EPSTI1: variants seen among roughly 807,000 people sequenced by gnomAD.
EPSTI1 encodes the protein epithelial stromal interaction 1, also known as epithelial-stromal interaction protein 1.
EPSTI1 carries 66 observed loss-of-function variants against 49.9 expected under a neutral mutation model. The ratio of observed to expected loss-of-function variants is 1.32; its 90% confidence interval spans 1.08 to 1.62. The LOEUF (loss-of-function observed/expected upper bound fraction) is 1.62. Among genes scored for constraint, EPSTI1 ranks in the 40% most tolerant of loss-of-function variants. The pLI, the probability that EPSTI1 is intolerant of heterozygous loss-of-function variation, is 0.00. For missense variants in EPSTI1, 394 were observed against 365.5 expected (o/e 1.08, Z -0.64); for synonymous variants, 137 against 130.7 (o/e 1.05, Z -0.33).
intron 9 of EPSTI1, among the ~76,000 whole-genome samples, chr13:42,899,084 A>T (rs1312011925): frequency 6.6e-6 from 1 of 151,550 alleles, no homozygotes; most frequent in Non-Finnish European, 1.5e-5. Flanking sequence ...TGTAATCCCA[A>T]CTACTCAGGA....
At chr13:42,954,401 CA>C (rs1256891026) in intron 5 of EPSTI1, among the ~76,000 whole-genome samples, 2 of 152,136 alleles carry the variant, frequency 1.3e-5, no homozygotes, top group African/African-American at 4.8e-5. Context: ...AATGGTTAAA[CA>C]GCTCATACAA....
At chr13:42,925,200 G>T (rs2038133022) in intron 7 of EPSTI1, among the ~76,000 whole-genome samples, 1 of 152,116 alleles carries the variant, frequency 6.6e-6, no homozygotes, top group Non-Finnish European at 1.5e-5. Context: ...AGCCTTGGGG[G>T]GCCTCTCTGC....
In EPSTI1 at chr13:42,958,436, AAAAC is replaced by A. The variant is rs542401871; in HGVS notation, c.490-4419_490-4416del. On this transcript the variant is annotated intron_variant, in intron 5 of 10. Coordinates refer to ENST00000313624, the MANE Select transcript of EPSTI1 (RefSeq NM_033255.5). ...GAGTAAGATTAAATCCTGAGAAAGA[AAAAC>A]AAAAACAAAACAAACAACAAAACAA... Among the ~76,000 whole-genome samples the A allele has an allele frequency of 2.0e-3, 311 of 152,296 alleles. 1 individual carries two copies. The highest frequency in any genetic ancestry group is 7.1e-3 in the African/African-American group (295 of 41,556).
rs910583095 is a variant in EPSTI1 at position 42,900,359 on chromosome 13, G to A, written c.766C>T (p.Gln256Ter). The A allele has an allele frequency of 2.5e-6, 4 of 1,613,460 alleles. No individual in the cohort carries two copies. In the African/African-American group the frequency reaches 4.0e-5, roughly 16 times the overall value. ...QKSELLELKR[Q>*]QQEQERAKIH... Reference sequence around the variant, plus strand: ...TTGGCTCTTTCTTGCTCTTGCTGCTGCCGTTTCAGTTCCAGTAATTCACTC... The same window carrying A: ...TTGGCTCTTTCTTGCTCTTGCTGCTACCGTTTCAGTTCCAGTAATTCACTC... Residue 256 changes from glutamine to a stop codon, truncating the protein, a stop_gained, in exon 9 of 11, where the codon CAG becomes TAG. Transcript: ENST00000313624. LOFTEE classifies it high-confidence loss of function.
At chr13:42,954,095 G>C (rs944505295) in intron 5 of EPSTI1, 74 bp from the exon 6 acceptor site, 3 of 1,325,240 alleles carry the variant, frequency 2.3e-6, no homozygotes, top group African/African-American at 1.5e-5. Flanking sequence ...AGTTACCCAA[G>C]GTCCAAAATC....
intron 10 of EPSTI1, among the ~76,000 whole-genome samples, chr13:42,889,455 A>T (rs939587194): frequency 6.6e-6 from 1 of 152,138 alleles, no homozygotes; most frequent in African/African-American, 2.4e-5. Context: ...GCTTGGTTTT[A>T]TCATAATTTC....
intron 6 of EPSTI1, among the ~76,000 whole-genome samples, chr13:42,932,948 G>A (rs973594993): frequency 6.6e-6 from 1 of 152,020 alleles, no homozygotes. Flanking sequence ...CCCAAACTGG[G>A]GGAAGTCTAC....
In EPSTI1 at chr13:42,895,016, T is replaced by C. The variant is rs2037149310; in HGVS notation, c.908A>G (p.Asn303Ser). ...AGAAAAGAAAAAACTCACCCAGCTG[T>C]TACCGCTATTCATATTCCAACAGCC... ...SGGCWNMNSG[N>S]SWGI is the part of the protein sequence containing the mutation. The change falls in exon 10 of 11, where the codon AAC becomes AGC. Residue 303 changes from asparagine (N) to serine (S), a missense_variant. Transcript: ENST00000313624. 3 of 1,609,986 alleles carry C rather than the reference T, an allele frequency of 1.9e-6. No homozygotes were observed. The highest frequency in any genetic ancestry group is 2.5e-6 in the Non-Finnish European group (3 of 1,178,296).
chr13:42,897,440 G>A (rs548871394), intron 9 of EPSTI1, among the ~76,000 whole-genome samples: 18 of 152,228 alleles, frequency 1.2e-4, no homozygotes, highest in Middle Eastern at 3.4e-3. Context: ...CCCTTCTGCC[G>A]TGTTTTGCCC....
At chr13:42,900,046 A>G (rs2037309259) in intron 9 of EPSTI1, among the ~76,000 whole-genome samples, 1 of 152,214 alleles carries the variant, frequency 6.6e-6, no homozygotes, top group Non-Finnish European at 1.5e-5. Context: ...TGAACACACA[A>G]GAACATGAGT....
intron 9 of EPSTI1, among the ~76,000 whole-genome samples, chr13:42,897,409 A>AATTT (rs2037223818): frequency 6.6e-6 from 1 of 152,164 alleles, no homozygotes; most frequent in African/African-American, 2.4e-5. Flanking sequence ...TCCAGATTAT[A>AATTT]ATTTCCACAT....
rs2036930604 is a variant in EPSTI1, at chr13:42,888,490, T to C, written c.*4A>G. 2 of 1,613,190 alleles carry C rather than the reference T, an allele frequency of 1.2e-6. No individual in the cohort carries two copies. Among genetic ancestry groups the C allele is most frequent in the Admixed American group, 1.7e-5 (1 of 59,930 alleles). On this transcript the variant is annotated 3_prime_UTR_variant, in exon 11 of 11. Transcript: ENST00000313624. Reference sequence around the variant, plus strand: ...ATGAAGGCCAGATAGGAGTCAATATTTTCTCATATACCCTGGAAGAAAAAG... The same window carrying C: ...ATGAAGGCCAGATAGGAGTCAATATCTTCTCATATACCCTGGAAGAAAAAG...
Position 42,893,734 on chromosome 13 carries a change from G to A in EPSTI1, c.915+1275C>T, listed in dbSNP as rs759409233. On this transcript the variant is annotated intron_variant, in intron 10 of 10. Transcript: ENST00000313624. ...TAGGTGCTTTCTAAGTTTTAAGAGC[G>A]GTTCCATAGAGAAGAAATGACAACC... 4.6e-5 allele frequency among the ~76,000 whole-genome samples: 7 copies of A among 152,052 alleles called. No homozygotes were observed. The East Asian group carries it at 7.7e-4, about 17-fold the overall frequency.
intron 7 of EPSTI1, among the ~76,000 whole-genome samples, chr13:42,926,129 G>C (rs2038169112): frequency 6.6e-6 from 1 of 152,066 alleles, no homozygotes; most frequent in Admixed American, 6.6e-5. Flanking sequence ...AAACTTCTCT[G>C]AGGCTGTTTT....
chr13:42,958,882 A>C (rs185331638), intron 5 of EPSTI1, among the ~76,000 whole-genome samples: 1 of 152,190 alleles, frequency 6.6e-6, no homozygotes, highest in Non-Finnish European at 1.5e-5. Context: ...AACAAAAGTC[A>C]CATATGTTTT....
At chr13:42,891,133 T>C (rs1374244748) in intron 10 of EPSTI1, among the ~76,000 whole-genome samples, 1 of 152,264 alleles carries the variant, frequency 6.6e-6, no homozygotes, top group African/African-American at 2.4e-5. Context: ...TTCATATTTA[T>C]TCTGTCAAAA....
chr13:42,956,377 TGAGA>T (rs910754481), intron 5 of EPSTI1, among the ~76,000 whole-genome samples: 3 of 152,046 alleles, frequency 2.0e-5, no homozygotes, highest in African/African-American at 7.3e-5. Flanking sequence ...ATGGCTCTAA[TGAGA>T]GAGAGAAATT....
chr13:42,897,300 C>T (rs2037220544), intron 9 of EPSTI1, among the ~76,000 whole-genome samples: 1 of 152,138 alleles, frequency 6.6e-6, no homozygotes, highest in Non-Finnish European at 1.5e-5. Flanking sequence ...CCTATCATCT[C>T]CAATTTCTTC....
At chr13:42,933,254 AT>A (rs2038438206) in intron 6 of EPSTI1, among the ~76,000 whole-genome samples, 1 of 145,058 alleles carries the variant, frequency 6.9e-6, no homozygotes, top group African/African-American at 2.6e-5. Context: ...ATTGGAAACT[AT>A]TTTTCTACTA....
Sources: allele counts gnomAD v4.1 joint callset (sites outside exome capture counted in the v4.1 genomes callset), GRCh38; gene constraint gnomAD v4.1.1; transcripts MANE v1.5; gene names NCBI Gene and HGNC (gene_info 2026-07-23, HGNC 2026-07-21).